Variants in CNTN5 observed in about 807,000 individuals in gnomAD.
CNTN5 encodes the protein contactin 5, also known as contactin-5.
In CNTN5, 77 loss-of-function variants were observed where a neutral mutation model predicts 129.1. The ratio of observed to expected loss-of-function variants is 0.60; its 90% CI spans 0.50 to 0.72. CNTN5 has a LOEUF of 0.72. Among genes scored for constraint, CNTN5 ranks in the 30% least tolerant of loss-of-function variants. The pLI is 0.00. For synonymous variants in CNTN5, 509 were observed against 465.6 expected, an observed-to-expected ratio of 1.09 and a Z score of -1.20; for missense variants, 1,478 against 1,328.8, an observed-to-expected ratio of 1.11 and a Z score of -1.75.
chr11:99,448,730 T>TTTTTATTTTA (rs57789569), intron 2 of CNTN5, among the ~76,000 whole-genome samples: 6,615 of 123,286 alleles, frequency 0.054, 379 homozygotes, highest in African/African-American at 0.11. Context: ...TGTACAATTG[T>TTTTTATTTTA]TTTTATTTTA....
At chr11:100,256,420 T>G (rs1025214483) in intron 17 of CNTN5, among the ~76,000 whole-genome samples, 7 of 152,204 alleles carry the variant, frequency 4.6e-5, no homozygotes, top group Admixed American at 3.9e-4. Flanking sequence ...AATCAGGATA[T>G]AGATCAGTTT....
intron 18 of CNTN5, among the ~76,000 whole-genome samples, chr11:100,289,310 A>G (rs1426159891): frequency 2.0e-5 from 3 of 152,166 alleles, no homozygotes. Context: ...CAACGAACAA[A>G]GAGAATTTTA....
intron 6 of CNTN5, among the ~76,000 whole-genome samples, chr11:99,855,320 AAAC>A (rs1047923559): frequency 6.6e-6 from 1 of 152,118 alleles, no homozygotes; most frequent in Admixed American, 6.5e-5. Context: ...AAAAGCAAAC[AAAC>A]AACAACAACA....
chr11:100,018,742 T>A (rs1940964761), intron 9 of CNTN5, among the ~76,000 whole-genome samples: 1 of 152,030 alleles, frequency 6.6e-6, no homozygotes, highest in South Asian at 2.1e-4. Context: ...TTGAAAATAT[T>A]GCTAAACAAT....
At chr11:100,006,586 A>G (rs182210404) in intron 9 of CNTN5, among the ~76,000 whole-genome samples, 26 of 152,296 alleles carry the variant, frequency 1.7e-4, no homozygotes, top group African/African-American at 6.3e-4. Context: ...AGATTGCAGC[A>G]ATTCAGTCAC....
chr11:100,114,536 C>A (rs1441933452), intron 13 of CNTN5, among the ~76,000 whole-genome samples: 1 of 152,048 alleles, frequency 6.6e-6, no homozygotes, highest in Non-Finnish European at 1.5e-5. Context: ...ACATTAATTA[C>A]AAACCTTCAG....
At chr11:99,087,193 A>G (rs1289777903) in intron 1 of CNTN5, among the ~76,000 whole-genome samples, 3 of 152,202 alleles carry the variant, frequency 2.0e-5, no homozygotes, top group Non-Finnish European at 4.4e-5. Context: ...TCTCACAGCA[A>G]TTCTCACATT....
chr11:100,136,347 C>A (rs959213267), intron 13 of CNTN5, among the ~76,000 whole-genome samples: 4 of 152,076 alleles, frequency 2.6e-5, no homozygotes, highest in Non-Finnish European at 5.9e-5. Context: ...CTAAAGATCA[C>A]ATATTCATCT....
At chr11:99,147,324 G>A (rs140027581) in intron 1 of CNTN5, among the ~76,000 whole-genome samples, 1 of 152,114 alleles carries the variant, frequency 6.6e-6, no homozygotes, top group East Asian at 1.9e-4. Flanking sequence ...ACCTTTTTCT[G>A]CTATATTTAC....
chr11:99,745,133 G>A (rs1219258387), intron 3 of CNTN5, among the ~76,000 whole-genome samples: 1 of 152,052 alleles, frequency 6.6e-6, no homozygotes, highest in Non-Finnish European at 1.5e-5. Flanking sequence ...ATATGTTCTT[G>A]GTTTGGAAAC....
chr11:99,513,480 G>A (rs7930474), intron 2 of CNTN5, among the ~76,000 whole-genome samples: 2 of 152,060 alleles, frequency 1.3e-5, no homozygotes, highest in African/African-American at 4.8e-5. Flanking sequence ...CATAGCTAGA[G>A]AGTAGAAGTT....
chr11:100,035,795 T>G (rs1244642020), intron 9 of CNTN5, among the ~76,000 whole-genome samples: 4 of 152,006 alleles, frequency 2.6e-5, no homozygotes, highest in African/African-American at 9.7e-5. Context: ...GTTCATATCC[T>G]TTGCCCACTT....
rs1403793109 is a variant in CNTN5, at chr11:99,607,941, G to A, written c.55+51672G>A. Among the ~76,000 whole-genome samples, 4 of 113,110 alleles carry A rather than the reference G, an allele frequency of 3.5e-5. No individual in the cohort carries two copies. In the South Asian group the frequency reaches 1.1e-3, roughly 30 times the overall value. The allele number at this position is 113,110 out of a possible 152,430, so 74.2% of individuals were successfully genotyped here. Reference sequence around the variant, plus strand: ...CAGGAAGGGGAATATCACACTCTGGGGACTGTGGTGGGGTCGGGGGAGGGG... The same window carrying A: ...CAGGAAGGGGAATATCACACTCTGGAGACTGTGGTGGGGTCGGGGGAGGGG... On this transcript the variant is annotated intron_variant, in intron 3 of 24. Transcript: ENST00000524871.
intron 1 of CNTN5, among the ~76,000 whole-genome samples, chr11:99,086,347 G>C (rs1310455511): frequency 6.6e-6 from 1 of 152,176 alleles, no homozygotes; most frequent in African/African-American, 2.4e-5. Flanking sequence ...ACCTGGAGCT[G>C]GGTAATTTAT....
chr11:99,831,946 G>T (rs1020997066), intron 4 of CNTN5, among the ~76,000 whole-genome samples: 13 of 152,188 alleles, frequency 8.5e-5, no homozygotes, highest in Admixed American at 7.9e-4. Context: ...TTTCATGATT[G>T]CTCTCATTTG....
intron 2 of CNTN5, among the ~76,000 whole-genome samples, chr11:99,429,463 A>T (rs1042932253): frequency 1.3e-5 from 2 of 152,132 alleles, no homozygotes; most frequent in African/African-American, 4.8e-5. Flanking sequence ...ATACTAAAGG[A>T]ACAATTCTTA....
intron 13 of CNTN5, among the ~76,000 whole-genome samples, chr11:100,111,246 G>A (rs538564384): frequency 2.0e-4 from 31 of 152,220 alleles, no homozygotes; most frequent in African/African-American, 7.2e-4. Context: ...TATAGATATT[G>A]TTTTAAAACC....
intron 6 of CNTN5, among the ~76,000 whole-genome samples, chr11:99,892,973 C>G (rs1477429599): frequency 6.6e-6 from 1 of 151,862 alleles, no homozygotes; most frequent in Non-Finnish European, 1.5e-5. Context: ...TGAAATGAAG[C>G]AATATAACTC....
chr11:99,780,919 C>G (rs923124797), intron 3 of CNTN5, among the ~76,000 whole-genome samples: 1 of 151,918 alleles, frequency 6.6e-6, no homozygotes, highest in African/African-American at 2.4e-5. Context: ...TTATAGATAA[C>G]TTTGTAGATC....
Sources: allele counts gnomAD v4.1 joint callset (sites outside exome capture counted in the v4.1 genomes callset), GRCh38; gene constraint gnomAD v4.1.1; transcripts MANE v1.5; gene names NCBI Gene and HGNC (gene_info 2026-07-23, HGNC 2026-07-21).